Variants in PARD3 observed in about 807,000 individuals in gnomAD.
PARD3 encodes par-3 family cell polarity regulator, also known as partitioning defective 3 homolog.
In PARD3, 75 loss-of-function variants were observed where a neutral mutation model predicts 155.4. The ratio of observed to expected loss-of-function variants is 0.48; its 90% CI spans 0.40 to 0.58. The LOEUF (loss-of-function observed/expected upper bound fraction) is 0.58, where lower values mean the gene tolerates loss of function less well. Ranked by LOEUF, PARD3 falls within the 20% of genes least tolerant of loss-of-function variation. The probability of loss-of-function intolerance (pLI) is 0.00; values close to 1 mark genes in which losing one functional copy is unlikely to be tolerated. For synonymous variants in PARD3, 576 were observed against 610.5 expected (o/e 0.94, Z 0.83); for missense variants, 1,642 against 1,721.7 (o/e 0.95, Z 0.82).
At chr10:34,629,567 G>A (rs1042070013) in intron 2 of PARD3, among the ~76,000 whole-genome samples, 2 of 152,194 alleles carry the variant, frequency 1.3e-5, no homozygotes, top group African/African-American at 4.8e-5. Context: ...CAATCTGCTA[G>A]ACGAAAACCT....
chr10:34,482,902 A>C (rs948837275), intron 3 of PARD3, among the ~76,000 whole-genome samples: 1 of 152,048 alleles, frequency 6.6e-6, no homozygotes, highest in Admixed American at 6.6e-5. Context: ...TAATCCCAGC[A>C]CTTTGGGAGG....
chr10:34,483,918 T>C (rs1434769675), intron 3 of PARD3, among the ~76,000 whole-genome samples: 1 of 152,160 alleles, frequency 6.6e-6, no homozygotes, highest in Non-Finnish European at 1.5e-5. Flanking sequence ...TTAATATATA[T>C]TGCTGATTAA....
intron 2 of PARD3, among the ~76,000 whole-genome samples, chr10:34,671,775 C>T (rs774985340): frequency 2.6e-4 from 39 of 152,148 alleles, no homozygotes; most frequent in Non-Finnish European, 4.6e-4. Context: ...ACAATCTGTA[C>T]TTCTGCAAGA....
chr10:34,773,516 G>C (rs1355379255), intron 1 of PARD3, among the ~76,000 whole-genome samples: 1 of 152,194 alleles, frequency 6.6e-6, no homozygotes, highest in Non-Finnish European at 1.5e-5. Flanking sequence ...CATTTTTGTA[G>C]ATCTTGATAA....
intron 22 of PARD3, among the ~76,000 whole-genome samples, chr10:34,161,776 T>C (rs1458267264): frequency 6.6e-6 from 1 of 152,188 alleles, no homozygotes; most frequent in Non-Finnish European, 1.5e-5. Context: ...TCATTAAAGA[T>C]GCCCTATATC....
intron 5 of PARD3, among the ~76,000 whole-genome samples, chr10:34,427,902 CAG>C (rs777370816): frequency 3.3e-5 from 5 of 152,150 alleles, no homozygotes; most frequent in Non-Finnish European, 7.3e-5. Context: ...CTACATAGCA[CAG>C]ACACAAAGAC....
intron 22 of PARD3, among the ~76,000 whole-genome samples, chr10:34,252,761 T>C (rs1415905624): frequency 6.6e-6 from 1 of 150,812 alleles, no homozygotes; most frequent in Non-Finnish European, 1.5e-5. Context: ...TGTATGTCTA[T>C]ATATATATAT....
At chr10:34,663,839 A>G (rs907087528) in intron 2 of PARD3, 15 of 151,740 alleles carry the variant, frequency 9.9e-5, no homozygotes, top group African/African-American at 1.2e-4. Context: ...GTATTCCATG[A>G]CCAATCACTG....
intron 22 of PARD3, among the ~76,000 whole-genome samples, chr10:34,205,487 C>CTG (rs1392063748): frequency 6.6e-6 from 1 of 152,180 alleles, no homozygotes; most frequent in East Asian, 1.9e-4. Flanking sequence ...CCTCTGTTCA[C>CTG]TTTATCAGTT....
intron 2 of PARD3, among the ~76,000 whole-genome samples, chr10:34,653,529 G>A (rs955433209): frequency 1.3e-5 from 2 of 152,184 alleles, no homozygotes; most frequent in African/African-American, 4.8e-5. Context: ...AAACCAGCAT[G>A]TATAGCACGA....
chr10:34,186,248 A>G (rs1213256691), intron 22 of PARD3, among the ~76,000 whole-genome samples: 1 of 151,274 alleles, frequency 6.6e-6, no homozygotes, highest in Non-Finnish European at 1.5e-5. Context: ...TAATCCCAGC[A>G]CTCTGGAAGG....
intron 2 of PARD3, among the ~76,000 whole-genome samples, chr10:34,683,972 T>C (rs1347935169): frequency 6.6e-6 from 1 of 152,244 alleles, no homozygotes; most frequent in East Asian, 1.9e-4. Flanking sequence ...AAATATTTGC[T>C]TCTTTACACT....
intron 21 of PARD3, among the ~76,000 whole-genome samples, chr10:34,274,040 G>A (rs1955759645): frequency 6.6e-6 from 1 of 152,122 alleles, no homozygotes; most frequent in Non-Finnish European, 1.5e-5. Context: ...AACGAAAACT[G>A]CTTCTCATGT....
intron 20 of PARD3, chr10:34,312,359 T>C: frequency 6.2e-7 from 1 of 1,612,656 alleles, no homozygotes; most frequent in Middle Eastern, 1.6e-4. Flanking sequence ...TGTTCATCTC[T>C]TCTCGGGCTT....
In PARD3 at chr10:34,208,597, C is replaced by T. The variant is rs559028390; in HGVS notation, c.3419+61060G>A. Among the ~76,000 whole-genome samples, 12 of 152,218 alleles carry T rather than the reference C, an allele frequency of 7.9e-5. No individual in the cohort carries two copies. In the East Asian group the frequency reaches 9.7e-4, roughly 12 times the overall value. On this transcript the variant is annotated intron_variant, in intron 22 of 24. Coordinates refer to ENST00000374788, the MANE Select transcript of PARD3 (RefSeq NM_001184785.2). ...AAATCATTTTGCAGAGGGTTAAGGA[C>T]GCAGAGAAGAGAGGTAGGCAAAGAT... is the stretch of plus-strand genomic sequence containing the variant.
In PARD3 at chr10:34,417,036, C is replaced by G. The variant is rs184399017; in HGVS notation, c.715-15119G>C. On this transcript the variant is annotated intron_variant, in intron 5 of 24. Coordinates refer to ENST00000374788, the MANE Select transcript of PARD3 (RefSeq NM_001184785.2). ...AACTCAACAGATCCTGTGGTCCCACCCAGAGGCATGAGGAATGGTTCCCAC... is the reference window on the plus strand; with the variant it reads ...AACTCAACAGATCCTGTGGTCCCACGCAGAGGCATGAGGAATGGTTCCCAC... Among the ~76,000 whole-genome samples, 245 of 152,288 alleles carry G rather than the reference C, an allele frequency of 1.6e-3. 1 individual carries two copies. Among genetic ancestry groups the G allele is most frequent in the African/African-American group, 5.4e-3 (225 of 41,566 alleles).
At chr10:34,448,645 A>ATT (rs79934232) in intron 5 of PARD3, among the ~76,000 whole-genome samples, 1 of 150,888 alleles carries the variant, frequency 6.6e-6, no homozygotes, top group South Asian at 2.1e-4. Flanking sequence ...AAAATAAAAC[A>ATT]TTTTTTTTTA....
chr10:34,289,121 T>A (rs576803788), intron 20 of PARD3, among the ~76,000 whole-genome samples: 3 of 151,968 alleles, frequency 2.0e-5, no homozygotes, highest in Admixed American at 2.0e-4. Context: ...GTACCTACCA[T>A]GCTCAGCTAA....
intron 16 of PARD3, among the ~76,000 whole-genome samples, chr10:34,341,095 CA>C (rs1387555030): frequency 2.7e-5 from 4 of 148,528 alleles, no homozygotes; most frequent in African/African-American, 1.0e-4. Context: ...TTGAAAGACA[CA>C]GGAAAGAAAA....
Sources: allele counts gnomAD v4.1 joint callset (sites outside exome capture counted in the v4.1 genomes callset), GRCh38; gene constraint gnomAD v4.1.1; transcripts MANE v1.5; gene names NCBI Gene and HGNC (gene_info 2026-07-23, HGNC 2026-07-21).